ARHGAP5: variants seen among roughly 807,000 people sequenced by gnomAD.
ARHGAP5 encodes the protein Rho GTPase activating protein 5.
ARHGAP5 carries 23 observed loss-of-function variants against 116.6 expected under a neutral mutation model. That is an observed-to-expected ratio of 0.20 (90% CI 0.14 to 0.28). The LOEUF (loss-of-function observed/expected upper bound fraction) is 0.28. Ranked by LOEUF, ARHGAP5 falls within the 10% of genes least tolerant of loss-of-function variation. ARHGAP5 has a pLI of 1.00. For missense variants in ARHGAP5, 1,405 were observed against 1,774.8 expected (o/e 0.79, Z 3.74); for synonymous variants, 574 against 602.0 (o/e 0.95, Z 0.68).
At chr14:32,137,182 T>A (rs113994724) in intron 3 of ARHGAP5, among the ~76,000 whole-genome samples, 1,918 of 151,082 alleles carry the variant, frequency 0.013, 31 homozygotes, top group African/African-American at 0.044. Flanking sequence ...TTTATCACTT[T>A]TTCCTTTATC....
At position 32,093,934 on chromosome 14, in the gene ARHGAP5, G is replaced by C. The variant is rs1233906709; in HGVS notation, c.3265G>C (p.Asp1089His). Residue 1089 changes from aspartate to histidine, a missense_variant, in exon 2 of 7, where the codon GAT becomes CAT. Physicochemically the swap from Asp to His is moderately conservative, Grantham distance 81. This residue lies in a region of ARHGAP5 where 944 missense variants were observed against 1,095.3 expected (regional missense o/e 0.86). Transcript: ENST00000345122. Reference sequence around the variant, plus strand: ...ACATCCTGAAGATATGGATCCTTCAGATAACTATGCGGAACCCATTGATAC... The same window carrying C: ...ACATCCTGAAGATATGGATCCTTCACATAACTATGCGGAACCCATTGATAC... The part of the protein sequence containing the change: ...LAHPEDMDPS[D>H]NYAEPIDTIF... The C allele has an allele frequency of 6.2e-7, 1 of 1,614,018 alleles. No individual in the cohort carries two copies. Among genetic ancestry groups the C allele is most frequent in the Non-Finnish European group, 8.5e-7 (1 of 1,180,018 alleles).
At chr14:32,102,062 ATTCT>A (rs2139039256) in intron 2 of ARHGAP5, among the ~76,000 whole-genome samples, 2 of 152,280 alleles carry the variant, frequency 1.3e-5, no homozygotes, top group East Asian at 3.9e-4. Context: ...ATGAGCAAAG[ATTCT>A]TTATTCAACA....
intron 3 of ARHGAP5, among the ~76,000 whole-genome samples, chr14:32,136,052 A>G (rs1880772355): frequency 6.6e-6 from 1 of 152,198 alleles, no homozygotes; most frequent in Non-Finnish European, 1.5e-5. Context: ...AGTGGGAGCT[A>G]GGTTCAATAA....
At position 32,093,985 on chromosome 14, in the gene ARHGAP5, G is replaced by A. The variant is rs762561296; in HGVS notation, c.3316G>A (p.Asp1106Asn). The A allele has an allele frequency of 6.2e-7, 1 of 1,613,624 alleles. No homozygotes were observed. The change falls in exon 2 of 7, where the codon GAT becomes AAT. Residue 1106 changes from aspartate (D) to asparagine (N), a missense_variant. Asp to Asn is a conservative substitution (Grantham distance 23, BLOSUM62 1). Around this residue, in one of 6 missense-constraint regions of ARHGAP5, gnomAD observed 944 missense variants for 1,095.3 expected, o/e 0.86. Transcript: ENST00000345122. ...AATTTTCAAACAGAAGGGCTATTCT[G>A]ATGAGATTTATGTTGTCCCAGATGA... Reference protein sequence around the residue: ...DTIFKQKGYSDEIYVVPDDSQ... With the variant: ...DTIFKQKGYSNEIYVVPDDSQ...
chr14:32,138,007 C>T (rs561310434), intron 3 of ARHGAP5, among the ~76,000 whole-genome samples: 21 of 151,670 alleles, frequency 1.4e-4, no homozygotes, highest in Middle Eastern at 6.9e-3. Flanking sequence ...CCTTCCAATC[C>T]ACAAACACAG....
chr14:32,084,164 G>C (rs1313451935), intron 1 of ARHGAP5, among the ~76,000 whole-genome samples: 1 of 152,062 alleles, frequency 6.6e-6, no homozygotes, highest in Non-Finnish European at 1.5e-5. Flanking sequence ...TTTGGTCATT[G>C]GTTTTTCACA....
At chr14:32,098,540 G>A (rs1878641267) in intron 2 of ARHGAP5, among the ~76,000 whole-genome samples, 1 of 152,164 alleles carries the variant, frequency 6.6e-6, no homozygotes, top group African/African-American at 2.4e-5. Flanking sequence ...GTTCTTAAAG[G>A]AGGTCAGTGT....
rs1208751627 is a variant in ARHGAP5 at position 32,155,445 on chromosome 14, G to A, written c.*497G>A. 6.5e-6 allele frequency: 1 copy of A among 153,106 alleles called. No individual in the cohort carries two copies. Among genetic ancestry groups the A allele is most frequent in the Non-Finnish European group, 1.5e-5 (1 of 68,416 alleles). 9.5% of individuals were successfully genotyped at this position (153,106 alleles called of 1,614,324 possible). ...GTATTTTATAATTTCAGGCTACTGA[G>A]GCCATGCTTGGGATGTTGTTTGAAA... On this transcript the variant is annotated 3_prime_UTR_variant, in exon 7 of 7. Transcript: ENST00000345122.
At chr14:32,133,752 A>G (rs1390967790) in intron 3 of ARHGAP5, among the ~76,000 whole-genome samples, 2 of 152,178 alleles carry the variant, frequency 1.3e-5, no homozygotes, top group African/African-American at 2.4e-5. Context: ...TTTGAGATAC[A>G]TCCCATCAAT....
At chr14:32,117,950 G>A (rs1015967479) in intron 3 of ARHGAP5, among the ~76,000 whole-genome samples, 1 of 144,308 alleles carries the variant, frequency 6.9e-6, no homozygotes, top group Non-Finnish European at 1.5e-5. Flanking sequence ...ATGAACACGA[G>A]TTAACCATGA....
intron 2 of ARHGAP5, among the ~76,000 whole-genome samples, chr14:32,109,714 T>C (rs145829054): frequency 1.4e-3 from 212 of 152,284 alleles, no homozygotes; most frequent in African/African-American, 4.8e-3. Flanking sequence ...GAAACTATTA[T>C]AATTTAAATA....
intron 2 of ARHGAP5, among the ~76,000 whole-genome samples, chr14:32,106,667 A>T (rs774265047): frequency 6.6e-6 from 1 of 152,222 alleles, no homozygotes; most frequent in Non-Finnish European, 1.5e-5. Context: ...AGGCATCTAA[A>T]GCCATTTGCA....
At chr14:32,142,834 G>A (rs1051521399) in intron 3 of ARHGAP5, among the ~76,000 whole-genome samples, 1 of 152,192 alleles carries the variant, frequency 6.6e-6, no homozygotes, top group East Asian at 1.9e-4. Flanking sequence ...TTCTGCAAAC[G>A]TTGATTCTGA....
At chr14:32,114,695 GCT>G (rs1879466965) in intron 2 of ARHGAP5, among the ~76,000 whole-genome samples, 1 of 152,142 alleles carries the variant, frequency 6.6e-6, no homozygotes, top group Non-Finnish European at 1.5e-5. Flanking sequence ...GGTTTCATGA[GCT>G]CTGAGAGTTT....
chr14:32,133,643 G>A (rs926750198), intron 3 of ARHGAP5, among the ~76,000 whole-genome samples: 6 of 152,134 alleles, frequency 3.9e-5, no homozygotes, highest in African/African-American at 1.4e-4. Flanking sequence ...GTGAGAGAGG[G>A]CATCCCTGTC....
chr14:32,090,352 A>C (rs1878180363), intron 1 of ARHGAP5, 150 bp from the exon 2 acceptor site: 1 of 399,140 alleles, frequency 2.5e-6, no homozygotes, highest in Admixed American at 4.2e-5. Context: ...TATTTATAAC[A>C]GTAAATCATA....
At chr14:32,095,900 A>G (rs1878503106) in intron 2 of ARHGAP5, among the ~76,000 whole-genome samples, 1 of 152,172 alleles carries the variant, frequency 6.6e-6, no homozygotes. Flanking sequence ...ATTAAGAAAA[A>G]ACACAGCCTT....
chr14:32,144,746 A>G (rs1881298755), intron 3 of ARHGAP5, among the ~76,000 whole-genome samples: 1 of 152,166 alleles, frequency 6.6e-6, no homozygotes, highest in South Asian at 2.1e-4. Flanking sequence ...AGCTTCCCAA[A>G]GTGCTGGGAT....
chr14:32,147,513 G>A (rs984558146), intron 4 of ARHGAP5, among the ~76,000 whole-genome samples: 2 of 152,226 alleles, frequency 1.3e-5, no homozygotes, highest in African/African-American at 4.8e-5. Context: ...GCTGTTGGTT[G>A]TAGGTGCCTT....
Sources: gnomAD v4.1 joint callset for allele counts (sites outside exome capture counted in the v4.1 genomes callset) on GRCh38, gnomAD v4.1.1 for gene constraint, gnomAD v4.1.1 regional missense constraint, MANE v1.5 for transcripts, NCBI Gene and HGNC (gene_info 2026-07-23, HGNC 2026-07-21) for gene names.